The following FAM217B variants were observed in gnomAD, a reference collection of about 807,000 sequenced individuals.
The protein encoded by FAM217B is protein FAM217B.
For missense variants in FAM217B, 463 were observed against 456.9 expected (o/e 1.01, Z -0.12); for synonymous variants, 163 against 173.0 (o/e 0.94, Z 0.45).
intron 3 of FAM217B, among the ~76,000 whole-genome samples, 164 bp from the exon 4 acceptor site, chr20:59,943,775 TA>T (rs1447789066): frequency 6.6e-6 from 1 of 152,250 alleles, no homozygotes; most frequent in Non-Finnish European, 1.5e-5. Flanking sequence ...AAATGTTCTG[TA>T]AAATTACTTA....
upstream of FAM217B, chr20:59,938,689 T>C: frequency 4.7e-6 from 1 of 215,032 alleles, no homozygotes; most frequent in Non-Finnish European, 9.2e-6. Context: ...TCAGGACACA[T>C]GCAAAAGCTT....
At position 59,944,670 on chromosome 20, in the gene FAM217B, A is replaced by G. The variant is rs778763281; in HGVS notation, c.727A>G (p.Lys243Glu). 32 of 1,614,000 alleles carry G rather than the reference A, an allele frequency of 2.0e-5. No individual in the cohort carries two copies. In the South Asian group the frequency reaches 3.4e-4, roughly 17 times the overall value. The change falls in exon 4 of 4, where the codon AAG becomes GAG. Residue 243 changes from lysine to glutamate, a missense_variant. By Grantham distance (56) the Lys-to-Glu change is moderately conservative. Transcript: ENST00000360816. ...ACTACCTCACCAGGAAGGGGCTTCA[A>G]AGTCAGGCCCTTCCCGAAAGAAAGC... ...KPLPHQEGAS[K>E]SGPSRKKAFH... is the part of the protein sequence containing the mutation.
At position 59,945,007 on chromosome 20, in the gene FAM217B, A is replaced by G; in HGVS notation, c.1064A>G (p.Lys355Arg). The G allele has an allele frequency of 6.2e-7, 1 of 1,614,214 alleles. No homozygotes were observed. The highest frequency in any genetic ancestry group is 8.5e-7 in the Non-Finnish European group (1 of 1,180,028). ...QAHAHPRKKG[K>R]AESCGHATVS... ...CATGCACATCCTAGGAAAAAGGGAA[A>G]GGCAGAGAGCTGTGGTCATGCCACT... is the stretch of plus-strand genomic sequence containing the variant. The change falls in exon 4 of 4, where the codon AAG becomes AGG. Residue 355 changes from lysine to arginine, a missense_variant. Physicochemically the swap from Lys to Arg is conservative, Grantham distance 26. Transcript: ENST00000360816.
upstream of FAM217B, chr20:59,937,960 A>G (rs546005378): frequency 4.6e-5 from 7 of 152,384 alleles, no homozygotes; most frequent in Non-Finnish European, 5.9e-5. Context: ...ATTTAAAAGT[A>G]TAAATATTTG....
upstream of FAM217B, chr20:59,939,648 G>C (rs1424575952): frequency 1.3e-6 from 2 of 1,539,328 alleles, no homozygotes; most frequent in East Asian, 2.6e-5. Flanking sequence ...GCTGCAGCCC[G>C]GCCGACACGC....
At chr20:59,936,055 T>C (rs1271913840), upstream of FAM217B, among the ~76,000 whole-genome samples, 1 of 152,240 alleles carries the variant, frequency 6.6e-6, no homozygotes, top group East Asian at 1.9e-4. Context: ...CTAGATGGTA[T>C]AGCCTACTAC....
upstream of FAM217B, among the ~76,000 whole-genome samples, chr20:59,935,589 T>G (rs946741579): frequency 3.3e-5 from 5 of 152,182 alleles, no homozygotes; most frequent in African/African-American, 1.2e-4. Flanking sequence ...GCAACATAGC[T>G]AGGCCCTATC....
At chr20:59,939,438 G>A, upstream of FAM217B, 3 of 1,611,514 alleles carry the variant, frequency 1.9e-6, no homozygotes, top group Non-Finnish European at 2.5e-6. Context: ...AAAGTCGGCG[G>A]CCTCGACGGG....
At position 59,948,057 on chromosome 20, in the gene FAM217B, AAAAG is replaced by A. The variant is rs1488602885; in HGVS notation, c.*2966_*2969del. On this transcript the variant is annotated 3_prime_UTR_variant, in exon 4 of 4. Transcript: ENST00000360816. ...TTCTTTAAAAAAAAAAAGAAAAAGA[AAAAG>A]AAAAAGAAAAATATTTTAGGCTTAG... 7 of 164,238 alleles carry A rather than the reference AAAAG, an allele frequency of 4.3e-5. No individual in the cohort carries two copies. Among genetic ancestry groups the A allele is most frequent in the South Asian group, 2.1e-4 (1 of 4,826 alleles). 10.2% of individuals were successfully genotyped at this position (164,238 alleles called of 1,614,324 possible).
At chr20:59,938,770 T>A, upstream of FAM217B, 85 of 281,396 alleles carry the variant, frequency 3.0e-4, no homozygotes, top group East Asian at 3.6e-4. Flanking sequence ...CACCCTCCCA[T>A]GCACCTACCC....
At chr20:59,941,952 A>G (rs758315190) in intron 1 of FAM217B, among the ~76,000 whole-genome samples, 4 of 152,208 alleles carry the variant, frequency 2.6e-5, no homozygotes, top group Non-Finnish European at 5.9e-5. Flanking sequence ...CAGTATTTAT[A>G]GTAGTGTGAT....
chr20:59,943,191 G>A (rs1383566931), intron 3 of FAM217B, among the ~76,000 whole-genome samples: 3 of 152,170 alleles, frequency 2.0e-5, no homozygotes, highest in Non-Finnish European at 4.4e-5. Flanking sequence ...ATGCCAGAGA[G>A]AATTAGTTTC....
chr20:59,944,296 G>C lies in FAM217B; in HGVS notation c.353G>C (p.Arg118Pro), dbSNP rs1420351818. 1 of 1,613,886 alleles carries C rather than the reference G, an allele frequency of 6.2e-7. No individual in the cohort carries two copies. The highest frequency in any genetic ancestry group is 1.7e-5 in the Admixed American group (1 of 59,970). The change falls in exon 4 of 4, where the codon CGA becomes CCA. Residue 118 changes from arginine (R) to proline (P), a missense_variant. Coordinates refer to ENST00000360816, the MANE Select transcript of FAM217B (RefSeq NM_022106.3). Reference protein sequence around the residue: ...SPLTPPDLNLRAEEIDPVYFD... With the variant: ...SPLTPPDLNLPAEEIDPVYFD... ...CTCACACCTCCAGATCTCAATCTTC[G>C]AGCTGAAGAAATTGATCCAGTTTAC...
upstream of FAM217B, chr20:59,939,973 G>A: frequency 8.0e-7 from 1 of 1,246,982 alleles, no homozygotes; most frequent in Middle Eastern, 3.1e-4. Flanking sequence ...GATGAGAGAC[G>A]ACCTCCCGAC....
chr20:59,937,631 A>C (rs888533815), upstream of FAM217B: 2 of 152,012 alleles, frequency 1.3e-5, no homozygotes, highest in Non-Finnish European at 2.9e-5. Context: ...CTGTATCATA[A>C]GCTTCACAAA....
At position 59,944,691 on chromosome 20, in the gene FAM217B, A is replaced by G. The variant is rs139387747; in HGVS notation, c.748A>G (p.Lys250Glu). The change falls in exon 4 of 4, where the codon AAA becomes GAA. Residue 250 changes from lysine to glutamate, a missense_variant. Transcript: ENST00000360816. ...TTCAAAGTCAGGCCCTTCCCGAAAG[A>G]AAGCTTTTCACCATGAAGAAATCCA... ...GASKSGPSRK[K>E]AFHHEEIHPS... The G allele has an allele frequency of 1.2e-5, 20 of 1,614,112 alleles. No individual in the cohort carries two copies. The African/African-American group carries it at 2.7e-4, about 22-fold the overall frequency.
chr20:59,944,389 C>G lies in FAM217B; in HGVS notation c.446C>G (p.Pro149Arg). 6.2e-7 allele frequency: 1 copy of G among 1,614,110 alleles called. No individual in the cohort carries two copies. The highest frequency in any genetic ancestry group is 8.5e-7 in the Non-Finnish European group (1 of 1,180,016). The change falls in exon 4 of 4, where the codon CCT (proline) becomes CGT (arginine). Residue 149 changes from proline (P) to arginine (R), a missense_variant. By Grantham distance (103) the Pro-to-Arg change is moderately radical. Coordinates refer to ENST00000360816, the MANE Select transcript of FAM217B (RefSeq NM_022106.3). ...EYYYPNFLPS[P>R]FSSWDLRDMA... Reference sequence around the variant, plus strand: ...TATTATCCTAATTTCCTTCCATCCCCTTTCAGCTCCTGGGACCTACGAGAT... The same window carrying G: ...TATTATCCTAATTTCCTTCCATCCCGTTTCAGCTCCTGGGACCTACGAGAT...
upstream of FAM217B, chr20:59,939,099 G>A (rs1179140262): frequency 2.5e-6 from 4 of 1,597,186 alleles, no homozygotes; most frequent in African/African-American, 5.4e-5. Context: ...GTTGCGACAT[G>A]TGAGGCTGTA....
chr20:59,934,639 T>C (rs2060845446), intron 1 of FAM217B, among the ~76,000 whole-genome samples: 1 of 152,230 alleles, frequency 6.6e-6, no homozygotes, highest in Non-Finnish European at 1.5e-5. Flanking sequence ...AATATTTGTG[T>C]CGGATCAATT....
Sources: allele counts gnomAD v4.1 joint callset (sites outside exome capture counted in the v4.1 genomes callset), GRCh38; gene constraint gnomAD v4.1.1; transcripts MANE v1.5; gene names NCBI Gene and HGNC (gene_info 2026-07-23, HGNC 2026-07-21).